RIC1: variants seen among roughly 807,000 people sequenced by gnomAD.
RIC1 encodes RIC1 partner of RAB6A GEF complex.
Under a neutral mutation model 169.0 loss-of-function variants are expected in RIC1, and 88 were observed. The ratio of observed to expected loss-of-function variants is 0.52; its 90% CI spans 0.44 to 0.62. RIC1 has a LOEUF of 0.62. Ranked by LOEUF, RIC1 falls within the 20% of genes least tolerant of loss-of-function variation. The pLI is 0.00. For missense variants in RIC1, 1,877 were observed against 1,725.5 expected, an observed-to-expected ratio of 1.09 and a Z score of -1.56; for synonymous variants, 790 against 601.5, an observed-to-expected ratio of 1.31 and a Z score of -4.59.
intron 1 of RIC1, among the ~76,000 whole-genome samples, chr9:5,636,033 A>C (rs1817955587): frequency 6.6e-6 from 1 of 152,218 alleles, no homozygotes; most frequent in African/African-American, 2.4e-5. Flanking sequence ...GGCCTTGGCT[A>C]TTCATGGGCT....
chr9:5,643,026 A>T (rs766195819), intron 1 of RIC1, among the ~76,000 whole-genome samples: 9 of 152,186 alleles, frequency 5.9e-5, no homozygotes, highest in Non-Finnish European at 1.0e-4. Context: ...AAGTCTGGGC[A>T]TGGTGGCTCA....
chr9:5,725,096 C>G (rs1445925087), intron 6 of RIC1, among the ~76,000 whole-genome samples: 1 of 152,174 alleles, frequency 6.6e-6, no homozygotes, highest in East Asian at 1.9e-4. Flanking sequence ...AGGGTTCCCT[C>G]TTTTTCTATT....
intron 4 of RIC1, among the ~76,000 whole-genome samples, chr9:5,718,139 C>CAA (rs35477806): frequency 0.05 from 1,416 of 28,070 alleles, 569 homozygotes; most frequent in African/African-American, 0.16. Context: ...GACTCCGTCT[C>CAA]AAAAAAAAAA....
At position 5,763,742 on chromosome 9, in the gene RIC1, C is replaced by T. The variant is rs1253950593; in HGVS notation, c.2715C>T (p.Ala905=). 6.2e-7 allele frequency: 1 copy of T among 1,614,174 alleles called. No homozygotes were observed. Among genetic ancestry groups the T allele is most frequent in the Admixed American group, 1.7e-5 (1 of 60,020 alleles). The part of the protein sequence containing the change: ...PLFLQTVVHC[A]RKTEYALWNY... Reference sequence around the variant, plus strand: ...TCCTGCAGACAGTTGTCCATTGTGCCAGGAAGACCGAATATGCCCTGTGGA... The same window carrying T: ...TCCTGCAGACAGTTGTCCATTGTGCTAGGAAGACCGAATATGCCCTGTGGA... The change falls in exon 19 of 26, where the codon GCC becomes GCT. Residue 905 remains alanine (A), a synonymous_variant. Transcript: ENST00000414202. This position sits in a 1 kb window ranked among gnomAD's most constrained non-coding sequence, Gnocchi z 5.2.
At chr9:5,741,244 A>G (rs1196117858) in intron 8 of RIC1, among the ~76,000 whole-genome samples, 1 of 152,108 alleles carries the variant, frequency 6.6e-6, no homozygotes, top group African/African-American at 2.4e-5. Context: ...CTTTATAGCT[A>G]CCTTTCAGAT....
At chr9:5,713,532 A>G (rs1823058806) in intron 3 of RIC1, 1 of 190,062 alleles carries the variant, frequency 5.3e-6, no homozygotes, top group African/African-American at 2.4e-5. Context: ...GATACTGTAT[A>G]GAATGATACT....
At chr9:5,723,501 T>G (rs955594446) in intron 6 of RIC1, among the ~76,000 whole-genome samples, 2 of 152,230 alleles carry the variant, frequency 1.3e-5, no homozygotes, top group African/African-American at 4.8e-5. Context: ...TTTCCCATTC[T>G]GTAGGTTGCC....
intron 2 of RIC1, among the ~76,000 whole-genome samples, chr9:5,683,097 C>T (rs1767903881): frequency 6.6e-6 from 1 of 151,856 alleles, no homozygotes; most frequent in African/African-American, 2.4e-5. Context: ...AACTTCTTTG[C>T]CATTGGTTCG....
At chr9:5,672,051 C>G (rs1199718765) in intron 2 of RIC1, among the ~76,000 whole-genome samples, 2 of 152,206 alleles carry the variant, frequency 1.3e-5, no homozygotes, top group Non-Finnish European at 2.9e-5. Context: ...TGCTGCCACA[C>G]CTCATGGTCT....
intron 1 of RIC1, among the ~76,000 whole-genome samples, chr9:5,655,616 A>G (rs957376622): frequency 6.6e-6 from 1 of 152,006 alleles, no homozygotes; most frequent in Non-Finnish European, 1.5e-5. Context: ...CAGCGTTTTT[A>G]TCTTGGTTGT....
chr9:5,684,977 T>C (rs998419987), intron 2 of RIC1, among the ~76,000 whole-genome samples: 2 of 152,182 alleles, frequency 1.3e-5, no homozygotes, highest in Non-Finnish European at 2.9e-5. Flanking sequence ...TATTTAATTT[T>C]GTTAAACCCC....
chr9:5,720,571 TTA>T, intron 5 of RIC1, 41 bp from the exon 6 acceptor site: 1 of 1,535,464 alleles, frequency 6.5e-7, no homozygotes, highest in East Asian at 2.3e-5. Context: ...GAGTAATTTA[TTA>T]TATTCTTAAT....
At position 5,765,503 on chromosome 9, in the gene RIC1, C is replaced by T. The variant is rs370737636; in HGVS notation, c.2931C>T (p.His977=). 1.2e-6 allele frequency: 2 copies of T among 1,614,192 alleles called. No homozygotes were observed. Among genetic ancestry groups the T allele is most frequent in the South Asian group, 1.1e-5 (1 of 91,088 alleles). Reference sequence around the variant, plus strand: ...AAGGCAAGTGGGACCTTTGTCGACACATGATTCGATTTCTTAAAGCCATTG... The same window carrying T: ...AAGGCAAGTGGGACCTTTGTCGACATATGATTCGATTTCTTAAAGCCATTG... ...LEQGKWDLCR[H]MIRFLKAIGS... is the part of the protein sequence containing the mutation. The change falls in exon 20 of 26, where the codon CAC becomes CAT. Residue 977 remains histidine, a synonymous_variant. Transcript: ENST00000414202.
intron 2 of RIC1, among the ~76,000 whole-genome samples, chr9:5,687,736 C>G (rs914847122): frequency 1.3e-5 from 2 of 152,082 alleles, no homozygotes; most frequent in Admixed American, 1.3e-4. Flanking sequence ...TGCTATTATT[C>G]TTGTTTTAAA....
Position 5,695,588 on chromosome 9 carries a change from T to C in RIC1, c.332+5550T>C, listed in dbSNP as rs1008493344. Among the ~76,000 whole-genome samples, 25 of 150,584 alleles carry C rather than the reference T, an allele frequency of 1.7e-4. No individual in the cohort carries two copies. The East Asian group carries it at 4.8e-3, about 29-fold the overall frequency. ...TATTATATCTTTTTTTTTTTTTTTT[T>C]TTGAGACAGAGTCTCGCTCTGTCGC... On this transcript the variant is annotated intron_variant, in intron 3 of 25. Coordinates refer to ENST00000414202, the MANE Select transcript of RIC1 (RefSeq NM_020829.4).
chr9:5,694,410 A>C (rs1427067714), intron 3 of RIC1, among the ~76,000 whole-genome samples: 3 of 152,236 alleles, frequency 2.0e-5, no homozygotes, highest in African/African-American at 7.2e-5. Context: ...TCAGTTTATA[A>C]ACTTGACAAA....
At chr9:5,719,268 G>C (rs1377229234) in intron 4 of RIC1, 2 of 152,088 alleles carry the variant, frequency 1.3e-5, no homozygotes, top group African/African-American at 2.4e-5. Context: ...TGCCTCCTTT[G>C]CACAAATATT....
At chr9:5,773,586 A>G (rs1430352941) in intron 25 of RIC1, among the ~76,000 whole-genome samples, 1 of 152,194 alleles carries the variant, frequency 6.6e-6, no homozygotes, top group Admixed American at 6.5e-5. Flanking sequence ...TACTTCCCTT[A>G]CTTGGATCTG....
chr9:5,770,476 C>T (rs539213899), intron 23 of RIC1, among the ~76,000 whole-genome samples, 198 bp downstream of exon 23: 19 of 152,066 alleles, frequency 1.2e-4, no homozygotes, highest in African/African-American at 4.6e-4. Flanking sequence ...TTTATGTGAA[C>T]AAAATAAATA....
Sources: allele counts gnomAD v4.1 joint callset (sites outside exome capture counted in the v4.1 genomes callset), GRCh38; gene constraint gnomAD v4.1.1; non-coding constraint Gnocchi (gnomAD v3.1); transcripts MANE v1.5; gene names NCBI Gene and HGNC (gene_info 2026-07-23, HGNC 2026-07-21).